The following BLOC1S5 variants were observed in gnomAD, a reference collection of about 807,000 sequenced individuals.
BLOC1S5 encodes biogenesis of lysosomal organelles complex 1 subunit 5.
A neutral mutation model predicts 24.3 loss-of-function variants in BLOC1S5; 27 were observed. The observed-to-expected ratio is 1.11, with a 90% CI of 0.82 to 1.53. BLOC1S5 has a LOEUF of 1.53. Ranked by LOEUF, BLOC1S5 falls within the 40% of genes most tolerant of loss-of-function variation. The pLI, the probability that BLOC1S5 is intolerant of heterozygous loss-of-function variation, is 0.00. For missense variants in BLOC1S5, 239 were observed against 229.4 expected (o/e 1.04, Z -0.27); for synonymous variants, 84 against 74.5 (o/e 1.13, Z -0.66).
intron 2 of BLOC1S5, among the ~76,000 whole-genome samples, chr6:8,049,384 A>G (rs1764027274): frequency 6.6e-6 from 1 of 151,824 alleles, no homozygotes; most frequent in Non-Finnish European, 1.5e-5. Flanking sequence ...AAAAAAAAAG[A>G]AAGGAAAGAA....
At chr6:8,036,211 C>A (rs1440203843) in intron 3 of BLOC1S5, among the ~76,000 whole-genome samples, 2 of 151,938 alleles carry the variant, frequency 1.3e-5, no homozygotes, top group Non-Finnish European at 2.9e-5. Flanking sequence ...CTATGGGATA[C>A]AGCAAAAACA....
At chr6:8,024,828 C>A (rs142943411) in intron 4 of BLOC1S5, among the ~76,000 whole-genome samples, 29 of 152,322 alleles carry the variant, frequency 1.9e-4, no homozygotes, top group Non-Finnish European at 3.4e-4. Context: ...ACCCATCAAT[C>A]TATCAGATAA....
chr6:8,018,450 T>C (rs1581391632), intron 4 of BLOC1S5, among the ~76,000 whole-genome samples: 1 of 152,226 alleles, frequency 6.6e-6, no homozygotes, highest in South Asian at 2.1e-4. Flanking sequence ...AAAGTCATCA[T>C]TGGCTCAGCT....
chr6:8,017,567 G>A (rs566245249), intron 4 of BLOC1S5, among the ~76,000 whole-genome samples: 4 of 152,202 alleles, frequency 2.6e-5, no homozygotes, highest in African/African-American at 4.8e-5. Context: ...TGTTCATCAC[G>A]TTCTTCCTGT....
chr6:8,052,504 T>C (rs1283390835), intron 2 of BLOC1S5, among the ~76,000 whole-genome samples: 1 of 152,110 alleles, frequency 6.6e-6, no homozygotes, highest in Non-Finnish European at 1.5e-5. Context: ...AAGAAGTTGA[T>C]TCCAACCCTC....
chr6:8,035,873 C>T (rs141129459), intron 3 of BLOC1S5, among the ~76,000 whole-genome samples: 1 of 152,220 alleles, frequency 6.6e-6, no homozygotes, highest in African/African-American at 2.4e-5. Flanking sequence ...CAACTACAAA[C>T]TCGACCAGGC....
At chr6:8,046,037 C>T (rs150715515) in intron 2 of BLOC1S5, among the ~76,000 whole-genome samples, 4,734 of 152,190 alleles carry the variant, frequency 0.031, 230 homozygotes, top group African/African-American at 0.1. Context: ...TTGGCTCTGT[C>T]CCCACCCAAA....
chr6:8,048,595 A>C (rs1763984475), intron 2 of BLOC1S5, among the ~76,000 whole-genome samples: 1 of 152,226 alleles, frequency 6.6e-6, no homozygotes, highest in Non-Finnish European at 1.5e-5. Flanking sequence ...TCAAGTCATA[A>C]TACCAATACT....
At chr6:8,034,381 A>G (rs2113546907) in intron 3 of BLOC1S5, among the ~76,000 whole-genome samples, 2 of 152,356 alleles carry the variant, frequency 1.3e-5, no homozygotes, top group East Asian at 1.9e-4. Flanking sequence ...TCACAAGGAC[A>G]GAAAACCAAA....
At chr6:8,038,499 A>ATTAT (rs1763565816) in intron 3 of BLOC1S5, among the ~76,000 whole-genome samples, 1 of 152,006 alleles carries the variant, frequency 6.6e-6, no homozygotes, top group African/African-American at 2.4e-5. Context: ...TAATTAATTA[A>ATTAT]TTATTGACGG....
At chr6:8,044,558 G>A (rs1055367118) in intron 2 of BLOC1S5, among the ~76,000 whole-genome samples, 1 of 152,150 alleles carries the variant, frequency 6.6e-6, no homozygotes, top group Non-Finnish European at 1.5e-5. Flanking sequence ...GAAGAAGACA[G>A]GAAAATGTAA....
At chr6:8,060,047 C>A (rs1318922466) in intron 2 of BLOC1S5, among the ~76,000 whole-genome samples, 1 of 152,226 alleles carries the variant, frequency 6.6e-6, no homozygotes, top group Non-Finnish European at 1.5e-5. Context: ...CTGTTCTGAC[C>A]TGTTAAATTT....
At chr6:8,029,467 A>AAGTGT (rs1763222602) in intron 3 of BLOC1S5, among the ~76,000 whole-genome samples, 1 of 152,168 alleles carries the variant, frequency 6.6e-6, no homozygotes, top group African/African-American at 2.4e-5. Context: ...CTGGCAGGAG[A>AAGTGT]AGTGTCCCTG....
chr6:8,048,440 T>A (rs530387512), intron 2 of BLOC1S5, among the ~76,000 whole-genome samples: 11 of 152,260 alleles, frequency 7.2e-5, no homozygotes, highest in South Asian at 6.2e-4. Context: ...TGTATTTTTT[T>A]AAAAAATAGA....
At chr6:8,054,296 C>T (rs1224272205) in intron 2 of BLOC1S5, 4 of 449,942 alleles carry the variant, frequency 8.9e-6, no homozygotes, top group South Asian at 1.6e-5. Flanking sequence ...CTGATAGTTA[C>T]ACTACATCTT....
At chr6:8,059,658 T>G (rs1764447947) in intron 2 of BLOC1S5, among the ~76,000 whole-genome samples, 1 of 152,210 alleles carries the variant, frequency 6.6e-6, no homozygotes, top group Non-Finnish European at 1.5e-5. Context: ...CATGTTGAGC[T>G]TTTTCCTTCT....
rs192002645 is a variant in BLOC1S5 at position 8,027,594 on chromosome 6, G to A, written c.326-1169C>T. Among the ~76,000 whole-genome samples the A allele has an allele frequency of 6.5e-3, 983 of 152,320 alleles. 7 individuals carry two copies. Among genetic ancestry groups the A allele is most frequent in the Middle Eastern group, 0.024 (7 of 292 alleles). On this transcript the variant is annotated intron_variant, in intron 3 of 4. Transcript: ENST00000397457. The stretch of plus-strand genomic sequence containing the variant: ...CACGCCTGTAATCCCAGCACTCTGG[G>A]AGGCCGTGGCGGGCAGATCACCTGA...
At chr6:8,058,834 G>C (rs1228638098) in intron 2 of BLOC1S5, among the ~76,000 whole-genome samples, 2 of 152,188 alleles carry the variant, frequency 1.3e-5, no homozygotes, top group Non-Finnish European at 1.5e-5. Flanking sequence ...TGCATATTGT[G>C]ATAGAAAATT....
At chr6:8,060,270 GTGATGTGT>G (rs1288864137) in intron 2 of BLOC1S5, among the ~76,000 whole-genome samples, 1 of 152,170 alleles carries the variant, frequency 6.6e-6, no homozygotes, top group Non-Finnish European at 1.5e-5. Context: ...TGTAACAATC[GTGATGTGT>G]TAAAGAAAAA....
Sources: gnomAD v4.1 joint callset for allele counts (sites outside exome capture counted in the v4.1 genomes callset) on GRCh38, gnomAD v4.1.1 for gene constraint, MANE v1.5 for transcripts, NCBI Gene and HGNC (gene_info 2026-07-23, HGNC 2026-07-21) for gene names.